TSC22D2: variants seen among roughly 807,000 people sequenced by gnomAD.
TSC22D2 encodes TSC22 domain family member 2.
A neutral mutation model predicts 50.1 loss-of-function variants in TSC22D2; 5 were observed. The ratio of observed to expected loss-of-function variants is 0.10; its 90% CI spans 0.05 to 0.21. The LOEUF (loss-of-function observed/expected upper bound fraction) is 0.21. TSC22D2 is among the 10% of genes least tolerant of loss of function. The pLI is 1.00. For missense variants in TSC22D2, 1,003 were observed against 1,015.5 expected, an observed-to-expected ratio of 0.99 and a Z score of 0.17; for synonymous variants, 501 against 450.1, an observed-to-expected ratio of 1.11 and a Z score of -1.43.
Position 150,409,743 on chromosome 3 carries a change from C to A in TSC22D2, c.393C>A (p.Pro131=). Residue 131 remains proline (P), a synonymous_variant, in exon 1 of 3, where the codon CCC becomes CCA. Coordinates refer to ENST00000688009, the MANE Select transcript of TSC22D2 (RefSeq NM_001303264.2). This position sits in a 1 kb window ranked among gnomAD's most constrained non-coding sequence, Gnocchi z 7.4. ...LAAAATSAPA[P]GAPGGPQLAG... is the part of the protein sequence containing the mutation. ...CGGCTGCCACTTCGGCCCCCGCCCC[C>A]GGAGCACCCGGCGGCCCCCAGCTCG... is the stretch of plus-strand genomic sequence containing the variant. 1.2e-6 allele frequency: 2 copies of A among 1,601,424 alleles called. No homozygotes were observed. The highest frequency in any genetic ancestry group is 1.7e-6 in the Non-Finnish European group (2 of 1,177,962).
At chr3:150,447,032 T>C (rs1335385630) in intron 1 of TSC22D2, among the ~76,000 whole-genome samples, 2 of 152,124 alleles carry the variant, frequency 1.3e-5, no homozygotes, top group African/African-American at 2.4e-5. Flanking sequence ...GAGCAAAAAT[T>C]ATGTGCTTTT....
intron 1 of TSC22D2, among the ~76,000 whole-genome samples, chr3:150,445,417 T>A (rs1720852954): frequency 6.6e-6 from 1 of 151,646 alleles, no homozygotes; most frequent in Admixed American, 6.6e-5. Context: ...ACTTTGTGGC[T>A]GCATTAAATC....
At chr3:150,439,506 A>G (rs1258021832) in intron 1 of TSC22D2, among the ~76,000 whole-genome samples, 1 of 152,148 alleles carries the variant, frequency 6.6e-6, no homozygotes, top group East Asian at 1.9e-4. Flanking sequence ...ATTTTCTATA[A>G]TCTACATAAC....
At chr3:150,443,144 C>A (rs983877769) in intron 1 of TSC22D2, among the ~76,000 whole-genome samples, 1 of 152,192 alleles carries the variant, frequency 6.6e-6, no homozygotes, top group Non-Finnish European at 1.5e-5. Context: ...TGTCATCCAG[C>A]CTCTGAATAC....
intron 2 of TSC22D2, among the ~76,000 whole-genome samples, chr3:150,457,985 T>C (rs959406552): frequency 1.3e-5 from 2 of 152,200 alleles, no homozygotes; most frequent in Non-Finnish European, 2.9e-5. Context: ...AGTCCAAAAT[T>C]ACAGATCACT....
intron 1 of TSC22D2, among the ~76,000 whole-genome samples, chr3:150,446,308 T>C (rs1050830920): frequency 6.6e-6 from 1 of 152,144 alleles, no homozygotes; most frequent in Non-Finnish European, 1.5e-5. Flanking sequence ...CTTTAATTCT[T>C]CAGGGCCTGT....
At chr3:150,455,360 C>CA (rs1400653693) in intron 1 of TSC22D2, among the ~76,000 whole-genome samples, 1 of 152,118 alleles carries the variant, frequency 6.6e-6, no homozygotes, top group Admixed American at 6.5e-5. Context: ...TAAAGCCCAG[C>CA]ACATATAAAG....
intron 1 of TSC22D2, among the ~76,000 whole-genome samples, chr3:150,413,555 T>G (rs1200841148): frequency 1.4e-5 from 2 of 145,954 alleles, no homozygotes; most frequent in Non-Finnish European, 3.1e-5. Flanking sequence ...GGGTTTTTTG[T>G]TTTGTGTTTT....
Position 150,437,139 on chromosome 3 carries a change from CAG to C in TSC22D2, c.1959-19935_1959-19934del, listed in dbSNP as rs1405908054. Among the ~76,000 whole-genome samples the C allele has an allele frequency of 2.6e-5, 4 of 152,026 alleles. 1 individual carries two copies. In the East Asian group the frequency reaches 7.7e-4, roughly 29 times the overall value. ...AATATAAATGTACATTCTTATCAGA[CAG>C]AAAATGTTATTAATGATATTATTCA... On this transcript the variant is annotated intron_variant, in intron 1 of 2. Transcript: ENST00000688009.
At chr3:150,421,207 T>C (rs1218575964) in intron 1 of TSC22D2, among the ~76,000 whole-genome samples, 1 of 152,250 alleles carries the variant, frequency 6.6e-6, no homozygotes, top group South Asian at 2.1e-4. Flanking sequence ...CTCTTTCTTA[T>C]TCTTTTGTAT....
intron 1 of TSC22D2, among the ~76,000 whole-genome samples, chr3:150,412,188 G>A (rs899811427): frequency 4.6e-5 from 7 of 152,090 alleles, no homozygotes. Flanking sequence ...GAGGATTTTT[G>A]TGGTTTTGAG....
At chr3:150,445,355 T>C (rs1240973594) in intron 1 of TSC22D2, among the ~76,000 whole-genome samples, 1 of 141,720 alleles carries the variant, frequency 7.1e-6, no homozygotes, top group African/African-American at 2.6e-5. Context: ...ATAATAATAA[T>C]AATAAGCCTT....
chr3:150,417,007 G>C (rs984591210), intron 1 of TSC22D2, among the ~76,000 whole-genome samples: 2 of 152,116 alleles, frequency 1.3e-5, no homozygotes, highest in African/African-American at 4.8e-5. Context: ...TATTTGTGAT[G>C]TTAGTGAAAG....
At chr3:150,439,686 A>C (rs1294708506) in intron 1 of TSC22D2, among the ~76,000 whole-genome samples, 1 of 152,026 alleles carries the variant, frequency 6.6e-6, no homozygotes, top group Admixed American at 6.6e-5. Context: ...TTTTTTTCAG[A>C]GCATTTGTCA....
chr3:150,422,536 G>T (rs1175335577), intron 1 of TSC22D2, among the ~76,000 whole-genome samples: 2 of 147,974 alleles, frequency 1.4e-5, no homozygotes, highest in African/African-American at 2.4e-5. Flanking sequence ...GGATTTTGAA[G>T]GTGGAAATGT....
At chr3:150,435,316 C>A (rs1720503689) in intron 1 of TSC22D2, among the ~76,000 whole-genome samples, 8 of 152,022 alleles carry the variant, frequency 5.3e-5, no homozygotes, top group Admixed American at 3.3e-4. Context: ...ATACTGTCTT[C>A]CTAGCAGTTT....
chr3:150,447,857 C>T (rs998727956), intron 1 of TSC22D2, among the ~76,000 whole-genome samples: 1 of 152,154 alleles, frequency 6.6e-6, no homozygotes, highest in Non-Finnish European at 1.5e-5. Context: ...ACTATTTTTC[C>T]AGTCACCAAG....
At chr3:150,424,553 T>TA (rs1163608433) in intron 1 of TSC22D2, among the ~76,000 whole-genome samples, 1 of 152,234 alleles carries the variant, frequency 6.6e-6, no homozygotes, top group Non-Finnish European at 1.5e-5. Context: ...TTTTGTTTCA[T>TA]AATAAAACCA....
chr3:150,445,828 C>A (rs1032231942), intron 1 of TSC22D2, among the ~76,000 whole-genome samples: 6 of 152,054 alleles, frequency 3.9e-5, no homozygotes, highest in Non-Finnish European at 8.8e-5. Flanking sequence ...AGTCAGCTAG[C>A]CTCACGCCTG....
Sources: allele counts gnomAD v4.1 joint callset (sites outside exome capture counted in the v4.1 genomes callset), GRCh38; gene constraint gnomAD v4.1.1; non-coding constraint Gnocchi (gnomAD v3.1); transcripts MANE v1.5; gene names NCBI Gene and HGNC (gene_info 2026-07-23, HGNC 2026-07-21).